Variants in AP3D1 observed in about 807,000 individuals in gnomAD.
The protein encoded by AP3D1 is adaptor related protein complex 3 subunit delta 1, also known as AP-3 complex subunit delta-1.
In AP3D1, 51 loss-of-function variants were observed where a neutral mutation model predicts 147.6. The ratio of observed to expected loss-of-function variants is 0.35; its 90% CI spans 0.28 to 0.44. The LOEUF is 0.44. Among genes scored for constraint, AP3D1 ranks in the 20% least tolerant of loss-of-function variants. The pLI is 1.00. For synonymous variants in AP3D1, 760 were observed against 663.0 expected (o/e 1.15, Z -2.25); for missense variants, 1,421 against 1,624.2 (o/e 0.87, Z 2.15).
intron 3 of AP3D1, 132 bp downstream of exon 3, chr19:2,137,595 C>T (rs2019110625): frequency 3.9e-6 from 3 of 767,634 alleles, no homozygotes; most frequent in Non-Finnish European, 6.6e-6. Context: ...GGATTACAGG[C>T]CACTGAATCC....
chr19:2,153,076 A>G (rs62128409), upstream of AP3D1, among the ~76,000 whole-genome samples: 2 of 149,304 alleles, frequency 1.3e-5, no homozygotes, highest in Non-Finnish European at 3.0e-5. Context: ...AAAAAAAAAA[A>G]GGCAGGGGGA....
At chr19:2,160,405 T>G (rs1335655649) in intron 1 of AP3D1, among the ~76,000 whole-genome samples, 2 of 152,146 alleles carry the variant, frequency 1.3e-5, no homozygotes, top group Non-Finnish European at 2.9e-5. Context: ...GGCGCATGCC[T>G]GTAATCCCCG....
At chr19:2,119,464 C>T (rs1190374842) in intron 14 of AP3D1, among the ~76,000 whole-genome samples, 6 of 151,976 alleles carry the variant, frequency 3.9e-5, no homozygotes, top group African/African-American at 1.5e-4. Context: ...GACGCCGAGG[C>T]GGGCGGATCA....
At chr19:2,149,400 T>C (rs970750763) in intron 1 of AP3D1, among the ~76,000 whole-genome samples, 3 of 152,026 alleles carry the variant, frequency 2.0e-5, no homozygotes, top group South Asian at 2.1e-4. Flanking sequence ...CAAAATTAGC[T>C]GGGTGTGGTG....
upstream of AP3D1, among the ~76,000 whole-genome samples, chr19:2,156,044 C>G (rs11882984): frequency 1.4e-5 from 2 of 142,540 alleles, no homozygotes; most frequent in Non-Finnish European, 1.5e-5. Flanking sequence ...CAGAGCGAGA[C>G]TCCGTCTCAA....
rs2019141803 is a variant in AP3D1 at position 2,138,713 on chromosome 19, G to A, written c.98C>T (p.Ala33Val). The change falls in exon 2 of 32, where the codon GCA (alanine) becomes GTA (valine). Residue 33 changes from alanine (A) to valine (V), a missense_variant and splice_region_variant. Around this residue, in one of 6 missense-constraint regions of AP3D1, gnomAD observed 292 missense variants for 412.0 expected, o/e 0.71. Coordinates refer to ENST00000643116, the MANE Select transcript of AP3D1 (RefSeq NM_001261826.3). ...RGIRNHKEDE[A>V]KYISQCIDEI... ...ATCAATGCACTGAGATATGTATTTT[G>A]CCTATAATGGGGGATAAACACAGAG... 3 of 1,608,712 alleles carry A rather than the reference G, an allele frequency of 1.9e-6. No homozygotes were observed. The highest frequency in any genetic ancestry group is 2.2e-5 in the East Asian group (1 of 44,852).
intron 31 of AP3D1, among the ~76,000 whole-genome samples, chr19:2,105,217 T>C (rs2018077155): frequency 6.6e-6 from 1 of 152,200 alleles, no homozygotes; most frequent in East Asian, 1.9e-4. Context: ...CAGCCCAGGC[T>C]GGGGAGGTGT....
chr19:2,137,104 A>G lies in AP3D1; in HGVS notation c.274-13T>C, dbSNP rs1448893365. ...GGTAGCCAATTCGCTGGGAGAGAAC[A>G]GATGAGCACATCAGAGGCAGGACAC... On this transcript the variant is annotated splice_polypyrimidine_tract_variant and intron_variant, in intron 3 of 31. Coordinates refer to ENST00000643116, the MANE Select transcript of AP3D1 (RefSeq NM_001261826.3). 6.4e-7 allele frequency: 1 copy of G among 1,572,760 alleles called. No homozygotes were observed. Among genetic ancestry groups the G allele is most frequent in the South Asian group, 1.2e-5 (1 of 85,646 alleles).
At chr19:2,105,797 G>A (rs1195285631) in intron 31 of AP3D1, among the ~76,000 whole-genome samples, 1 of 152,162 alleles carries the variant, frequency 6.6e-6, no homozygotes, top group Non-Finnish European at 1.5e-5. Flanking sequence ...CTCAGGCCCA[G>A]CAGAATGGCT....
chr19:2,143,671 G>T (rs925412841), intron 1 of AP3D1, among the ~76,000 whole-genome samples: 2 of 152,142 alleles, frequency 1.3e-5, no homozygotes, highest in African/African-American at 4.8e-5. Flanking sequence ...CAAGGTTGAG[G>T]TAAGAGGATT....
intron 3 of AP3D1, 77 bp downstream of exon 3, chr19:2,137,650 T>A: frequency 8.3e-7 from 1 of 1,199,106 alleles, no homozygotes; most frequent in Admixed American, 1.9e-5. Context: ...ATAATAATAA[T>A]AAAAATTGGC....
Position 2,111,720 on chromosome 19 carries a change from C to G in AP3D1, c.2896G>C (p.Glu966Gln), listed in dbSNP as rs2018283969. ...TCTGGCGCGCCATTCTGCACCGGCT[C>G]CCCCGCTGCCTCCTCGCTGCCTGGA... ...QPPGSEEAAG[E>Q]PVQNGAPEEE... is the part of the protein sequence containing the mutation. The change falls in exon 25 of 32, where the codon GAG becomes CAG. Residue 966 changes from glutamate (E) to glutamine (Q), a missense_variant. Around this residue, in one of 6 missense-constraint regions of AP3D1, gnomAD observed 791 missense variants for 761.4 expected, o/e 1.04. Coordinates refer to ENST00000643116, the MANE Select transcript of AP3D1 (RefSeq NM_001261826.3). 6.2e-7 allele frequency: 1 copy of G among 1,603,252 alleles called. No homozygotes were observed. The highest frequency in any genetic ancestry group is 1.3e-5 in the African/African-American group (1 of 74,680).
intron 1 of AP3D1, among the ~76,000 whole-genome samples, chr19:2,139,667 C>G (rs1363799303): frequency 6.6e-6 from 1 of 152,134 alleles, no homozygotes; most frequent in Non-Finnish European, 1.5e-5. Flanking sequence ...AACGATGAGG[C>G]ACCCACAAGC....
chr19:2,137,819 C>T lies in AP3D1; in HGVS notation c.193-12G>A, dbSNP rs199618736. 135 of 1,613,298 alleles carry T rather than the reference C, an allele frequency of 8.4e-5. No individual in the cohort carries two copies. The African/African-American group carries it at 1.6e-3, about 19-fold the overall frequency. ...CCCAACATCTGTAACTGTTAAGGGA[C>T]GCACAGGAAATTGCACTCACAAGCC... On this transcript the variant is annotated splice_polypyrimidine_tract_variant and intron_variant, in intron 2 of 31. Transcript: ENST00000643116.
chr19:2,162,033 G>GTTTT (rs1186533323), intron 1 of AP3D1, among the ~76,000 whole-genome samples: 3 of 130,692 alleles, frequency 2.3e-5, no homozygotes, highest in African/African-American at 2.8e-5. Context: ...AGCCCATTGA[G>GTTTT]TTTTTTTTTT....
At position 2,117,258 on chromosome 19, in the gene AP3D1, G is replaced by C; in HGVS notation, c.1823C>G (p.Ala608Gly). 1 of 1,612,410 alleles carries C rather than the reference G, an allele frequency of 6.2e-7. No homozygotes were observed. The highest frequency in any genetic ancestry group is 8.5e-7 in the Non-Finnish European group (1 of 1,179,480). ...TGGAACCTTCTTCTGGGCCTTGGGG[G>C]CCACTGGGTTCAGCTCCCCAGCAAA... is the stretch of plus-strand genomic sequence containing the variant. Reference protein sequence around the residue: ...ALFAGELNPVAPKAQKKVPVP... With the variant: ...ALFAGELNPVGPKAQKKVPVP... Residue 608 changes from alanine (A) to glycine (G), a missense_variant, in exon 16 of 32, where the codon GCC becomes GGC. Ala to Gly is a moderately conservative substitution (Grantham distance 60, BLOSUM62 0). This residue lies in a region of AP3D1 where 310 missense variants were observed against 388.1 expected (regional missense o/e 0.80). Coordinates refer to ENST00000643116, the MANE Select transcript of AP3D1 (RefSeq NM_001261826.3).
intron 3 of AP3D1, 69 bp from the exon 4 acceptor site, chr19:2,137,160 T>C: frequency 7.3e-7 from 1 of 1,366,916 alleles, no homozygotes. Flanking sequence ...AGCTCTGCTC[T>C]GCAGCGACCA....
In AP3D1 at chr19:2,111,783, C is replaced by T; in HGVS notation, c.2833G>A (p.Glu945Lys). ...KKKKHRKEKEERTKGKKKSKK... is the reference protein window; with the variant it reads ...KKKKHRKEKEKRTKGKKKSKK... ...GACTTCTTCTTGCCTTTGGTCCGCT[C>T]CTCCTTCTCCTTCCTGTGCTTCTTC... The change falls in exon 25 of 32, where the codon GAG (glutamate) becomes AAG (lysine). Residue 945 changes from glutamate to lysine, a missense_variant. Coordinates refer to ENST00000643116, the MANE Select transcript of AP3D1 (RefSeq NM_001261826.3). 1 of 1,613,830 alleles carries T rather than the reference C, an allele frequency of 6.2e-7. No homozygotes were observed. Among genetic ancestry groups the T allele is most frequent in the Non-Finnish European group, 8.5e-7 (1 of 1,179,868 alleles).
rs201197577 is a variant in AP3D1 at position 2,110,760 on chromosome 19, G to A, written c.3122C>T (p.Pro1041Leu). The A allele has an allele frequency of 1.4e-5, 23 of 1,611,726 alleles. No individual in the cohort carries two copies. The highest frequency in any genetic ancestry group is 6.7e-5 in the African/African-American group (5 of 74,860). ...GCCATCGTGGACGGAGGAGCCCTGC[G>A]GCCGGGCCATCCTGGCATTGAGTGA... ...LDSLNARMARPQGSSVHDGVP... is the reference protein window; with the variant it reads ...LDSLNARMARLQGSSVHDGVP... The change falls in exon 27 of 32, where the codon CCG becomes CTG. Residue 1041 changes from proline to leucine, a missense_variant. Around this residue, in one of 6 missense-constraint regions of AP3D1, gnomAD observed 791 missense variants for 761.4 expected, o/e 1.04. Transcript: ENST00000643116.
Sources: allele counts gnomAD v4.1 joint callset (sites outside exome capture counted in the v4.1 genomes callset), GRCh38; gene constraint gnomAD v4.1.1; regional missense constraint gnomAD v4.1.1; transcripts MANE v1.5; gene names NCBI Gene and HGNC (gene_info 2026-07-23, HGNC 2026-07-21).